Variants in TASP1 observed in about 807,000 individuals in gnomAD.
TASP1 encodes the protein threonine aspartase 1.
A neutral mutation model predicts 56.6 loss-of-function variants in TASP1; 16 were observed. The observed-to-expected ratio is 0.28, with a 90% confidence interval of 0.19 to 0.43. The LOEUF (loss-of-function observed/expected upper bound fraction) is 0.43, where lower values mean the gene tolerates loss of function less well. Ranked by LOEUF, TASP1 falls within the 20% of genes least tolerant of loss-of-function variation. The pLI is 1.00. For missense variants in TASP1, 393 were observed against 511.6 expected (o/e 0.77, Z 2.24); for synonymous variants, 179 against 184.2 (o/e 0.97, Z 0.23).
At chr20:13,319,645 G>A in the TASP1 span, among the ~76,000 whole-genome samples, 1 of 152,214 alleles carries the variant, frequency 6.6e-6, no homozygotes, top group South Asian at 2.1e-4. Flanking sequence ...TTGGTTTCCA[G>A]AGTTCTAAGG....
intron 7 of TASP1, among the ~76,000 whole-genome samples, chr20:13,566,148 G>T (rs979174862): frequency 1.3e-5 from 2 of 152,080 alleles, no homozygotes; most frequent in African/African-American, 4.8e-5. Flanking sequence ...AGACAAAAAT[G>T]AACTAGCCAG....
In TASP1 at chr20:13,390,278, A is replaced by C; in HGVS notation, c.*82T>G. 7.8e-7 allele frequency: 1 copy of C among 1,282,514 alleles called. No individual in the cohort carries two copies. The highest frequency in any genetic ancestry group is 2.5e-5 in the East Asian group (1 of 40,202). The allele number at this position is 1,282,514 out of a possible 1,614,324, so 79.4% of individuals were successfully genotyped here. A position where few individuals can be genotyped will look rare whatever the true frequency, so the allele number is the denominator to read the frequency against. On this transcript the variant is annotated 3_prime_UTR_variant, in exon 14 of 14. Transcript: ENST00000337743. ...ATAGGAATTATAAAACAAGAAAGAT[A>C]AAACAACCAACTTCAGTTAAAAACC...
chr20:13,590,746 A>G lies in TASP1; in HGVS notation c.283-3376T>C, dbSNP rs1258376116. ...CTGGGCATGGTGGTGCTCACCTGTAATCCCAGCTACTCAGGAAGCTGAGGC... is the reference window on the plus strand; with the variant it reads ...CTGGGCATGGTGGTGCTCACCTGTAGTCCCAGCTACTCAGGAAGCTGAGGC... On this transcript the variant is annotated intron_variant, in intron 4 of 13. Transcript: ENST00000337743. Among the ~76,000 whole-genome samples the G allele has an allele frequency of 6.6e-5, 10 of 152,148 alleles. No homozygotes were observed. The East Asian group carries it at 1.4e-3, about 21-fold the overall frequency.
At chr20:13,566,245 T>C (rs1481004317) in intron 7 of TASP1, among the ~76,000 whole-genome samples, 1 of 152,174 alleles carries the variant, frequency 6.6e-6, no homozygotes, top group Non-Finnish European at 1.5e-5. Context: ...TAGTTGATGG[T>C]ACTGTTAGTT....
At chr20:13,412,804 A>C (rs1323287727) in intron 13 of TASP1, among the ~76,000 whole-genome samples, 1 of 152,222 alleles carries the variant, frequency 6.6e-6, no homozygotes, top group African/African-American at 2.4e-5. Flanking sequence ...ATATTTGTTT[A>C]TGTAATCTGG....
At chr20:13,566,111 T>G (rs1160076350) in intron 7 of TASP1, among the ~76,000 whole-genome samples, 1 of 152,152 alleles carries the variant, frequency 6.6e-6, no homozygotes, top group Non-Finnish European at 1.5e-5. Flanking sequence ...TACTCTATGA[T>G]TCCACTTATA....
chr20:13,382,619 C>T, the TASP1 span, among the ~76,000 whole-genome samples: 3 of 152,176 alleles, frequency 2.0e-5, no homozygotes, highest in Non-Finnish European at 4.4e-5. Flanking sequence ...GTGCTCCAGC[C>T]TGGGCAACAG....
At position 13,404,425 on chromosome 20, in the gene TASP1, T is replaced by A. The variant is rs140954289; in HGVS notation, c.1170+13023A>T. The stretch of plus-strand genomic sequence containing the variant: ...TGAGATTACGCCAGCCTGGGCAACA[T>A]AGCAAGACCTCATCTCTACAAAACA... On this transcript the variant is annotated intron_variant, in intron 13 of 13. Coordinates refer to ENST00000337743, the MANE Select transcript of TASP1 (RefSeq NM_017714.3). 6.9e-3 allele frequency among the ~76,000 whole-genome samples: 1,046 copies of A among 152,206 alleles called. 17 individuals are homozygous for A. Among genetic ancestry groups the A allele is most frequent in the African/African-American group, 0.024 (1,002 of 41,524 alleles).
At chr20:13,282,484 C>A in the TASP1 span, among the ~76,000 whole-genome samples, 7 of 152,172 alleles carry the variant, frequency 4.6e-5, no homozygotes, top group Non-Finnish European at 1.0e-4. Flanking sequence ...AAGAACACCC[C>A]CTCTATTTCC....
the TASP1 span, among the ~76,000 whole-genome samples, chr20:13,220,135 G>A: frequency 6.6e-6 from 1 of 152,152 alleles, no homozygotes; most frequent in African/African-American, 2.4e-5. Context: ...TGGGAGGGAA[G>A]GGCTGGGCCG....
intron 8 of TASP1, among the ~76,000 whole-genome samples, chr20:13,549,614 T>C (rs2045914507): frequency 6.6e-6 from 1 of 152,146 alleles, no homozygotes; most frequent in African/African-American, 2.4e-5. Context: ...TGGAATGTGA[T>C]GTTCTTAACA....
At chr20:13,159,942 G>T in the TASP1 span, 3 of 1,442,890 alleles carry the variant, frequency 2.1e-6, no homozygotes, top group Non-Finnish European at 2.8e-6. Context: ...TTTTTGTCAG[G>T]ATAATTTTGT....
chr20:13,268,114 G>GTCTTCTCTTCTCTTC, the TASP1 span, among the ~76,000 whole-genome samples: 12,162 of 140,034 alleles, frequency 0.087, 786 homozygotes, highest in East Asian at 0.14. Context: ...CTCCTCTCCT[G>GTCTTCTCTTCTCTTC]TCTTCTCTTC....
At chr20:13,588,284 AGG>A (rs1491231234) in intron 4 of TASP1, among the ~76,000 whole-genome samples, 73 of 140,880 alleles carry the variant, frequency 5.2e-4, no homozygotes, top group Admixed American at 1.3e-3. Context: ...GAAGGAAGGA[AGG>A]AAGGAAGGAA....
At chr20:13,198,800 T>TTCTTTCTTTCTTTG in the TASP1 span, among the ~76,000 whole-genome samples, 1 of 13,888 alleles carries the variant, frequency 7.2e-5, no homozygotes, top group South Asian at 4.2e-3. Flanking sequence ...TTGTCTTTCT[T>TTCTTTCTTTCTTTG]TCTTTCTTTC....
At chr20:13,435,838 C>G (rs905021574) in intron 11 of TASP1, among the ~76,000 whole-genome samples, 1 of 152,058 alleles carries the variant, frequency 6.6e-6, no homozygotes, top group African/African-American at 2.4e-5. Context: ...CAAAATTAAC[C>G]CAAGAACTAT....
chr20:13,281,363 T>C, the TASP1 span, among the ~76,000 whole-genome samples: 4 of 152,196 alleles, frequency 2.6e-5, no homozygotes, highest in African/African-American at 9.7e-5. Context: ...AACCTTCACC[T>C]TTCCCAAAGG....
the TASP1 span, among the ~76,000 whole-genome samples, chr20:13,107,374 G>C: frequency 6.6e-6 from 1 of 152,208 alleles, no homozygotes; most frequent in African/African-American, 2.4e-5. Flanking sequence ...ACTAGAAATA[G>C]TGGGAAAAGG....
At chr20:13,393,509 C>T (rs1330346123) in intron 13 of TASP1, 4 of 790,166 alleles carry the variant, frequency 5.1e-6, no homozygotes, top group Non-Finnish European at 8.9e-6. Flanking sequence ...ACACTGAGCA[C>T]CAGATTGTCT....
Sources: allele counts gnomAD v4.1 joint callset (sites outside exome capture counted in the v4.1 genomes callset), GRCh38; gene constraint gnomAD v4.1.1; transcripts MANE v1.5; gene names NCBI Gene and HGNC (gene_info 2026-07-23, HGNC 2026-07-21).